The following ZNF112 variants were observed in gnomAD, a reference collection of about 807,000 sequenced individuals.
The protein encoded by ZNF112 is zinc finger protein 112 (Y14).
ZNF112 carries 37 observed loss-of-function variants against 77.7 expected under a neutral mutation model. The observed-to-expected ratio is 0.48, with a 90% CI of 0.37 to 0.63. ZNF112 has a LOEUF of 0.63. Among genes scored for constraint, ZNF112 ranks in the 20% least tolerant of loss-of-function variants. ZNF112 has a pLI of 0.00. For synonymous variants in ZNF112, 333 were observed against 363.6 expected (o/e 0.92, Z 0.96); for missense variants, 950 against 1,077.4 (o/e 0.88, Z 1.66).
chr19:44,353,879 G>C (rs1052416325), intron 1 of ZNF112, among the ~76,000 whole-genome samples: 1 of 122,922 alleles, frequency 8.1e-6, no homozygotes, highest in Non-Finnish European at 1.7e-5. Flanking sequence ...TCCTGGCTTC[G>C]TACCCTACAG....
At chr19:44,348,177 T>G (rs376775107) in intron 1 of ZNF112, among the ~76,000 whole-genome samples, 8 of 152,226 alleles carry the variant, frequency 5.3e-5, no homozygotes, top group African/African-American at 1.9e-4. Context: ...AGAAGTGATT[T>G]TCTCTGAGTT....
intron 1 of ZNF112, among the ~76,000 whole-genome samples, chr19:44,344,178 C>T (rs1331176625): frequency 6.6e-6 from 1 of 152,130 alleles, no homozygotes; most frequent in East Asian, 1.9e-4. Flanking sequence ...GACAAAATCT[C>T]ATTGGTGATG....
At chr19:44,366,005 G>T (rs1278871529) in intron 1 of ZNF112, among the ~76,000 whole-genome samples, 1 of 152,094 alleles carries the variant, frequency 6.6e-6, no homozygotes, top group African/African-American at 2.4e-5. Flanking sequence ...AAGCTCCAAA[G>T]AAACAGTCAG....
intron 3 of ZNF112, among the ~76,000 whole-genome samples, chr19:44,330,202 T>C (rs2123143553): frequency 6.6e-6 from 1 of 152,282 alleles, no homozygotes; most frequent in South Asian, 2.1e-4. Flanking sequence ...GAAATACTCA[T>C]TGGAGTATTT....
chr19:44,333,210 C>A (rs756442002), intron 3 of ZNF112, among the ~76,000 whole-genome samples: 1 of 152,194 alleles, frequency 6.6e-6, no homozygotes, highest in Non-Finnish European at 1.5e-5. Context: ...CAAGTAATTC[C>A]TTTGAATTTA....
intron 1 of ZNF112, among the ~76,000 whole-genome samples, chr19:44,353,660 C>A (rs1226626637): frequency 6.6e-6 from 1 of 151,946 alleles, no homozygotes; most frequent in Non-Finnish European, 1.5e-5. Flanking sequence ...CTGCTGAACA[C>A]CATTAGCCAT....
At chr19:44,337,370 T>C (rs1970393914) in intron 2 of ZNF112, among the ~76,000 whole-genome samples, 6 of 57,900 alleles carry the variant, frequency 1.0e-4, no homozygotes, top group African/African-American at 4.0e-4. Flanking sequence ...TATTATTATA[T>C]ATATTTTATA....
At position 44,345,735 on chromosome 19, in the gene ZNF112, T is replaced by G. The variant is rs543909660; in HGVS notation, c.-3-5193A>C. Among the ~76,000 whole-genome samples the G allele has an allele frequency of 9.8e-5, 15 of 152,310 alleles. No homozygotes were observed. In the East Asian group the frequency reaches 2.9e-3, roughly 29 times the overall value. On this transcript the variant is annotated intron_variant, in intron 1 of 3. Transcript: ENST00000354340. ...CACACAGGAATCTTTCATGTCTGTC[T>G]GCTCATTTTCTCTGCAAATCTTCTC...
intron 1 of ZNF112, among the ~76,000 whole-genome samples, chr19:44,356,261 T>C (rs1278839245): frequency 1.3e-5 from 2 of 152,170 alleles, no homozygotes; most frequent in Non-Finnish European, 2.9e-5. Flanking sequence ...AAGAACTCCA[T>C]TAGATAGATA....
intron 2 of ZNF112, among the ~76,000 whole-genome samples, chr19:44,338,681 A>G (rs1970433041): frequency 6.6e-6 from 1 of 152,238 alleles, no homozygotes; most frequent in Non-Finnish European, 1.5e-5. Flanking sequence ...AATGCTGTGG[A>G]AATGTTCTAA....
At chr19:44,340,960 C>T (rs1970478455) in intron 1 of ZNF112, among the ~76,000 whole-genome samples, 1 of 152,158 alleles carries the variant, frequency 6.6e-6, no homozygotes, top group African/African-American at 2.4e-5. Context: ...ATATGTAGCT[C>T]ATCCTCTGTG....
At chr19:44,336,594 C>A in intron 3 of ZNF112, 29 bp downstream of exon 3, 1 of 1,581,496 alleles carries the variant, frequency 6.3e-7, no homozygotes, top group Non-Finnish European at 8.7e-7. Flanking sequence ...GGCTCCCTGG[C>A]TGCTGTGTTC....
Position 44,330,964 on chromosome 19 carries a change from T to C in ZNF112, c.221-1028A>G, listed in dbSNP as rs1171841306. On this transcript the variant is annotated intron_variant, in intron 3 of 3. Transcript: ENST00000354340. ...GCGTTAAATGATATGCTGAAGAAGG[T>C]AAATACAGACTTTTACTTTATGTTT... 2.0e-5 allele frequency among the ~76,000 whole-genome samples: 3 copies of C among 152,204 alleles called. No individual in the cohort carries two copies. In the East Asian group the frequency reaches 5.8e-4, roughly 29 times the overall value.
intron 3 of ZNF112, among the ~76,000 whole-genome samples, chr19:44,332,979 T>C (rs1236117141): frequency 6.6e-6 from 1 of 152,196 alleles, no homozygotes; most frequent in African/African-American, 2.4e-5. Context: ...AATGGTAGAA[T>C]GGTAATAAGA....
At chr19:44,345,478 G>GT (rs1207374740) in intron 1 of ZNF112, among the ~76,000 whole-genome samples, 1 of 152,204 alleles carries the variant, frequency 6.6e-6, no homozygotes, top group African/African-American at 2.4e-5. Context: ...CAGCCTTCCA[G>GT]TTTAGACCTC....
chr19:44,343,798 C>T (rs1367435174), intron 1 of ZNF112, among the ~76,000 whole-genome samples: 1 of 152,170 alleles, frequency 6.6e-6, no homozygotes, highest in Admixed American at 6.5e-5. Flanking sequence ...CCTATTATAA[C>T]TATACCAGGG....
chr19:44,364,412 G>C (rs1402024882), intron 1 of ZNF112, among the ~76,000 whole-genome samples: 2 of 152,056 alleles, frequency 1.3e-5, no homozygotes, highest in Non-Finnish European at 2.9e-5. Context: ...ATATTGTATT[G>C]TACAAGTCTT....
intron 1 of ZNF112, among the ~76,000 whole-genome samples, chr19:44,355,204 G>A (rs1970765020): frequency 1.3e-5 from 2 of 151,996 alleles, no homozygotes; most frequent in South Asian, 4.1e-4. Context: ...AAAAACTTAA[G>A]GGAAAAATAA....
intron 1 of ZNF112, among the ~76,000 whole-genome samples, chr19:44,347,416 T>C (rs1279183718): frequency 2.6e-5 from 4 of 151,886 alleles, no homozygotes; most frequent in Non-Finnish European, 5.9e-5. Flanking sequence ...CATTTTATTA[T>C]CTTTTTTCCT....
Sources: gnomAD v4.1 joint callset for allele counts (sites outside exome capture counted in the v4.1 genomes callset) on GRCh38, gnomAD v4.1.1 for gene constraint, MANE v1.5 for transcripts, NCBI Gene and HGNC (gene_info 2026-07-23, HGNC 2026-07-21) for gene names.